RNF169: variants seen among roughly 807,000 people sequenced by gnomAD.
RNF169 encodes E3 ubiquitin-protein ligase RNF169.
Under a neutral mutation model 53.9 loss-of-function variants are expected in RNF169, and 24 were observed. The observed-to-expected ratio is 0.45, with a 90% CI of 0.32 to 0.63. The LOEUF (loss-of-function observed/expected upper bound fraction) is 0.63. Ranked by LOEUF, RNF169 falls within the 20% of genes least tolerant of loss-of-function variation. The pLI is 0.04. For missense variants in RNF169, 883 were observed against 906.2 expected, an observed-to-expected ratio of 0.97 and a Z score of 0.33; for synonymous variants, 396 against 363.5, an observed-to-expected ratio of 1.09 and a Z score of -1.02.
In RNF169 at chr11:74,793,142, G is replaced by A. The variant is rs377766682; in HGVS notation, c.576+3443G>A. The stretch of plus-strand genomic sequence containing the variant: ...AGCCAGATCTAAGAGATTATATGTT[G>A]TGATTCCATTTATAGAAAATGGCCA... On this transcript the variant is annotated intron_variant, in intron 2 of 5. Coordinates refer to ENST00000299563, the MANE Select transcript of RNF169 (RefSeq NM_001098638.2). 5.3e-4 allele frequency among the ~76,000 whole-genome samples: 80 copies of A among 152,348 alleles called. 1 individual carries two copies. In the East Asian group the frequency reaches 0.012, roughly 23 times the overall value.
intron 4 of RNF169, among the ~76,000 whole-genome samples, chr11:74,826,224 GCTGAGA>G (rs1247958148): frequency 6.6e-6 from 1 of 152,150 alleles, no homozygotes; most frequent in East Asian, 1.9e-4. Flanking sequence ...TACTCCAGAG[GCTGAGA>G]CATGAGAATC....
At chr11:74,786,750 C>A (rs1331893827) in intron 1 of RNF169, among the ~76,000 whole-genome samples, 1 of 152,240 alleles carries the variant, frequency 6.6e-6, no homozygotes, top group African/African-American at 2.4e-5. Context: ...CTTATAATAA[C>A]CTGTGATGAT....
At chr11:74,787,629 CTG>C (rs1250009075) in intron 1 of RNF169, among the ~76,000 whole-genome samples, 1 of 152,078 alleles carries the variant, frequency 6.6e-6, no homozygotes, top group Non-Finnish European at 1.5e-5. Flanking sequence ...CTGGGCAACA[CTG>C]TGAGACCTCA....
chr11:74,754,719 C>G (rs2034954117), intron 1 of RNF169, among the ~76,000 whole-genome samples: 1 of 152,154 alleles, frequency 6.6e-6, no homozygotes, highest in African/African-American at 2.4e-5. Context: ...TACCGGGAGG[C>G]TGAGGCAGGA....
At chr11:74,774,345 C>CAAA (rs35058879) in intron 1 of RNF169, among the ~76,000 whole-genome samples, 1 of 125,564 alleles carries the variant, frequency 8.0e-6, no homozygotes. Flanking sequence ...GACCCTGTTT[C>CAAA]AAAAAAAAAA....
intron 2 of RNF169, among the ~76,000 whole-genome samples, chr11:74,796,213 CTATTA>C (rs1167713751): frequency 6.6e-6 from 1 of 151,934 alleles, no homozygotes; most frequent in Admixed American, 6.5e-5. Flanking sequence ...TTTTTCCATT[CTATTA>C]TATATTTATT....
At chr11:74,831,386 C>G (rs933556973) in intron 4 of RNF169, 1 of 152,158 alleles carries the variant, frequency 6.6e-6, no homozygotes, top group Non-Finnish European at 1.5e-5. Context: ...GAAAACAATT[C>G]AGTTTACAAT....
At chr11:74,818,583 G>A (rs117587467) in intron 4 of RNF169, among the ~76,000 whole-genome samples, 6,699 of 152,014 alleles carry the variant, frequency 0.044, 242 homozygotes, top group Middle Eastern at 0.068. Context: ...TTGTAGAGAC[G>A]AGGTCTCCTT....
chr11:74,802,033 GATTA>G (rs2035738453), intron 2 of RNF169, among the ~76,000 whole-genome samples: 2 of 152,264 alleles, frequency 1.3e-5, no homozygotes, highest in South Asian at 2.1e-4. Flanking sequence ...TCAGGAGAAA[GATTA>G]ATTAAACACC....
At chr11:74,784,335 T>C (rs1477780994) in intron 1 of RNF169, among the ~76,000 whole-genome samples, 1 of 152,196 alleles carries the variant, frequency 6.6e-6, no homozygotes, top group Non-Finnish European at 1.5e-5. Context: ...TATGTGTGTG[T>C]TGGGAGGTCT....
chr11:74,786,416 T>C, intron 1 of RNF169, among the ~76,000 whole-genome samples: 1 of 151,948 alleles, frequency 6.6e-6, no homozygotes, highest in East Asian at 1.9e-4. Flanking sequence ...GGGGGTTTTT[T>C]TGTTTAATTT....
intron 4 of RNF169, among the ~76,000 whole-genome samples, chr11:74,823,851 C>T (rs1460041029): frequency 2.6e-5 from 4 of 151,614 alleles, no homozygotes; most frequent in African/African-American, 9.7e-5. Flanking sequence ...TCATTGGCCA[C>T]ATATGACAAA....
At chr11:74,832,105 C>A (rs2036188123) in intron 4 of RNF169, 1 of 152,196 alleles carries the variant, frequency 6.6e-6, no homozygotes, top group African/African-American at 2.4e-5. Flanking sequence ...AGCACTTATG[C>A]TACAGAGTGG....
chr11:74,821,624 C>G (rs1435096740), intron 4 of RNF169, among the ~76,000 whole-genome samples: 2 of 58,312 alleles, frequency 3.4e-5, no homozygotes, highest in Non-Finnish European at 5.3e-5. Context: ...CGCCACTGCA[C>G]TCCAGCCTGG....
intron 1 of RNF169, 91 bp downstream of exon 1, chr11:74,749,473 A>AC: frequency 1.0e-6 from 1 of 982,188 alleles, no homozygotes; most frequent in Non-Finnish European, 1.2e-6. Flanking sequence ...CCCGGGCCCT[A>AC]CTCGGGCGGG....
intron 3 of RNF169, among the ~76,000 whole-genome samples, chr11:74,817,257 A>C (rs2035951975): frequency 6.6e-6 from 1 of 152,242 alleles, no homozygotes; most frequent in African/African-American, 2.4e-5. Context: ...AATGGGAGTG[A>C]CATAAACAGT....
intron 1 of RNF169, among the ~76,000 whole-genome samples, chr11:74,767,363 T>A (rs951400872): frequency 6.6e-5 from 10 of 152,074 alleles, no homozygotes; most frequent in Non-Finnish European, 7.4e-5. Context: ...CATTTATTAT[T>A]TAAAAAAAAC....
intron 1 of RNF169, among the ~76,000 whole-genome samples, chr11:74,751,403 A>G (rs142189760): frequency 7.2e-5 from 11 of 152,342 alleles, no homozygotes; most frequent in African/African-American, 2.6e-4. Context: ...TGGTCACGAT[A>G]TAAGACAGTA....
chr11:74,789,808 C>A, intron 2 of RNF169, 109 bp downstream of exon 2: 1 of 642,958 alleles, frequency 1.6e-6, no homozygotes, highest in Non-Finnish European at 2.7e-6. Flanking sequence ...TAATGCAGAG[C>A]CTTTCTTCAC....
Sources: allele counts gnomAD v4.1 joint callset (sites outside exome capture counted in the v4.1 genomes callset), GRCh38; gene constraint gnomAD v4.1.1; transcripts MANE v1.5; gene names NCBI Gene and HGNC (gene_info 2026-07-23, HGNC 2026-07-21).